DZIP3: variants seen among roughly 807,000 people sequenced by gnomAD.
DZIP3 encodes the protein E3 ubiquitin-protein ligase DZIP3.
DZIP3 carries 118 observed loss-of-function variants against 162.0 expected under a neutral mutation model. That is an observed-to-expected ratio of 0.73 (90% CI 0.63 to 0.85). The LOEUF is 0.85. Among genes scored for constraint, DZIP3 ranks in the 40% least tolerant of loss-of-function variants. The pLI, the probability that DZIP3 is intolerant of heterozygous loss-of-function variation, is 0.00. For synonymous variants in DZIP3, 438 were observed against 458.6 expected, an observed-to-expected ratio of 0.96 and a Z score of 0.57; for missense variants, 1,331 against 1,407.0, an observed-to-expected ratio of 0.95 and a Z score of 0.86.
intron 8 of DZIP3, among the ~76,000 whole-genome samples, chr3:108,631,047 A>ACTCTCTCTCT (rs1206915511): frequency 3.5e-4 from 25 of 72,460 alleles, no homozygotes; most frequent in Non-Finnish European, 4.4e-4. Context: ...ACACACACAC[A>ACTCTCTCTCT]CACACACACT....
At chr3:108,665,410 C>T (rs1019313438) in intron 21 of DZIP3, among the ~76,000 whole-genome samples, 5 of 151,798 alleles carry the variant, frequency 3.3e-5, no homozygotes, top group Admixed American at 2.6e-4. Flanking sequence ...AGAATGAACT[C>T]AATCTGAAGA....
intron 14 of DZIP3, 92 bp from the exon 15 acceptor site, chr3:108,646,525 G>T: frequency 1.1e-6 from 1 of 872,590 alleles, no homozygotes; most frequent in Non-Finnish European, 1.9e-6. Context: ...ATAAATTGGT[G>T]CAATATAAAA....
At chr3:108,687,850 A>G (rs753701007) in intron 28 of DZIP3, 126 bp from the exon 29 acceptor site, 68 of 1,261,802 alleles carry the variant, frequency 5.4e-5, no homozygotes, top group Non-Finnish European at 7.3e-5. Context: ...TCAAAGACCT[A>G]AAGAGTCCTG....
chr3:108,659,828 T>C (rs560003895), intron 19 of DZIP3, among the ~76,000 whole-genome samples: 1 of 152,184 alleles, frequency 6.6e-6, no homozygotes, highest in Non-Finnish European at 1.5e-5. Context: ...ATCACAAGCA[T>C]TCTTATACAC....
intron 14 of DZIP3, among the ~76,000 whole-genome samples, chr3:108,645,652 T>C (rs1248926280): frequency 2.6e-5 from 4 of 152,210 alleles, no homozygotes; most frequent in Admixed American, 2.0e-4. Context: ...AATGAACAAC[T>C]GATAACCACA....
At chr3:108,664,617 T>A (rs1943590463) in intron 21 of DZIP3, among the ~76,000 whole-genome samples, 1 of 152,210 alleles carries the variant, frequency 6.6e-6, no homozygotes, top group African/African-American at 2.4e-5. Flanking sequence ...AGGAATTAAG[T>A]CTTCACCCAT....
At chr3:108,658,424 G>C (rs1943250006) in intron 19 of DZIP3, among the ~76,000 whole-genome samples, 1 of 151,948 alleles carries the variant, frequency 6.6e-6, no homozygotes, top group South Asian at 2.1e-4. Flanking sequence ...CAGAAATAAA[G>C]ATGTTCTTTG....
chr3:108,632,177 C>A (rs1350257239), intron 8 of DZIP3, among the ~76,000 whole-genome samples: 1 of 152,098 alleles, frequency 6.6e-6, no homozygotes, highest in Non-Finnish European at 1.5e-5. Flanking sequence ...TTAACTTAGA[C>A]CTGATTACAT....
At chr3:108,616,393 C>CT (rs2107529205) in intron 4 of DZIP3, 148 bp from the exon 5 acceptor site, 1 of 470,506 alleles carries the variant, frequency 2.1e-6, no homozygotes, top group Admixed American at 4.2e-5. Flanking sequence ...AACAGTGTAT[C>CT]TGGTTGGTAT....
At chr3:108,633,900 T>C (rs36174379) in intron 9 of DZIP3, among the ~76,000 whole-genome samples, 6,501 of 102,598 alleles carry the variant, frequency 0.063, 182 homozygotes, top group Non-Finnish European at 0.088. Flanking sequence ...TCAGAATACT[T>C]CTGATAGATC....
At chr3:108,661,589 A>G (rs1943437226) in intron 19 of DZIP3, among the ~76,000 whole-genome samples, 1 of 152,174 alleles carries the variant, frequency 6.6e-6, no homozygotes, top group Non-Finnish European at 1.5e-5. Flanking sequence ...TACATATGTA[A>G]CAAACCTGCA....
intron 8 of DZIP3, among the ~76,000 whole-genome samples, chr3:108,630,568 T>A (rs1442836561): frequency 2.0e-5 from 3 of 152,108 alleles, no homozygotes; most frequent in Non-Finnish European, 2.9e-5. Flanking sequence ...TTTGGCATTG[T>A]CAAGGTAATC....
intron 1 of DZIP3, among the ~76,000 whole-genome samples, chr3:108,599,888 T>A (rs1470152501): frequency 6.6e-6 from 1 of 152,158 alleles, no homozygotes; most frequent in Non-Finnish European, 1.5e-5. Flanking sequence ...TCCGGAACTG[T>A]GAGAAATAAA....
At position 108,626,451 on chromosome 3, in the gene DZIP3, T is replaced by A. The variant is rs558389729; in HGVS notation, c.581+482T>A. Among the ~76,000 whole-genome samples the A allele has an allele frequency of 5.9e-5, 9 of 152,310 alleles. No individual in the cohort carries two copies. In the South Asian group the frequency reaches 1.9e-3, roughly 32 times the overall value. ...TAACTTGGAATAGTTTTTAAAAGTA[T>A]AAAATGAGCTTATAAAGAGTTGAAA... On this transcript the variant is annotated intron_variant, in intron 7 of 32. Transcript: ENST00000361582.
chr3:108,659,393 A>T (rs1426105214), intron 19 of DZIP3, among the ~76,000 whole-genome samples: 1 of 151,982 alleles, frequency 6.6e-6, no homozygotes, highest in African/African-American at 2.4e-5. Flanking sequence ...AAACCACATG[A>T]TATCTCAATA....
At chr3:108,688,491 C>T in intron 29 of DZIP3, 102 bp from the exon 30 acceptor site, 1 of 1,250,324 alleles carries the variant, frequency 8.0e-7, no homozygotes, top group South Asian at 1.6e-5. Context: ...TGATTATTTA[C>T]CCTTTTGCTA....
intron 6 of DZIP3, 50 bp from the exon 7 acceptor site, chr3:108,625,795 A>G: frequency 6.6e-7 from 1 of 1,512,092 alleles, no homozygotes; most frequent in South Asian, 1.4e-5. Flanking sequence ...ATTGTAAAAA[A>G]AAAAAAAATG....
chr3:108,598,503 C>G (rs923255909), intron 1 of DZIP3, among the ~76,000 whole-genome samples: 6 of 152,130 alleles, frequency 3.9e-5, no homozygotes, highest in Non-Finnish European at 7.4e-5. Context: ...TAACCAAAAG[C>G]TCGCTCTGCC....
At chr3:108,631,055 A>ACACACACACACACACATACACTCTCT in intron 8 of DZIP3, among the ~76,000 whole-genome samples, 13 of 18,016 alleles carry the variant, frequency 7.2e-4, no homozygotes, top group South Asian at 4.7e-3. Flanking sequence ...ACACACACAC[A>ACACACACACACACACATACACTCTCT]CTCTCTCTCT....
Sources: allele counts gnomAD v4.1 joint callset (sites outside exome capture counted in the v4.1 genomes callset), GRCh38; gene constraint gnomAD v4.1.1; transcripts MANE v1.5; gene names NCBI Gene and HGNC (gene_info 2026-07-23, HGNC 2026-07-21).